BIN3: variants seen among roughly 807,000 people sequenced by gnomAD.
BIN3 encodes bridging integrator 3.
In BIN3, 41 loss-of-function variants were observed where a neutral mutation model predicts 38.2. That is an observed-to-expected ratio of 1.07 (90% CI 0.84 to 1.39). The LOEUF (loss-of-function observed/expected upper bound fraction) is 1.39. BIN3 is among the 40% of genes most tolerant of loss of function. The pLI is 0.00. For missense variants in BIN3, 361 were observed against 324.3 expected (o/e 1.11, Z -0.87); for synonymous variants, 145 against 122.6 (o/e 1.18, Z -1.21).
chr8:22,621,300 G>A lies in BIN3; in HGVS notation c.*122C>T. The A allele has an allele frequency of 1.5e-6, 2 of 1,319,504 alleles. No homozygotes were observed. Among genetic ancestry groups the A allele is most frequent in the African/African-American group, 1.5e-5 (1 of 67,790 alleles). The allele number at this position is 1,319,504 out of a possible 1,614,324, so 81.7% of individuals were successfully genotyped here. A position where few individuals can be genotyped will look rare whatever the true frequency, so the allele number is the denominator to read the frequency against. ...TCAGGAAGAGTCATTCATTGCAAAG[G>A]GCCGGCAAGTGAACCAGGGCCACCT... On this transcript the variant is annotated 3_prime_UTR_variant, in exon 9 of 9. Coordinates refer to ENST00000276416, the MANE Select transcript of BIN3 (RefSeq NM_018688.6).
intron 1 of BIN3, among the ~76,000 whole-genome samples, chr8:22,655,040 C>T (rs1803013223): frequency 6.6e-6 from 1 of 152,182 alleles, no homozygotes; most frequent in Non-Finnish European, 1.5e-5. Context: ...TTCTGATGTG[C>T]ATTTCTCTAA....
chr8:22,668,208 G>A (rs1803489469), intron 1 of BIN3, among the ~76,000 whole-genome samples: 1 of 152,212 alleles, frequency 6.6e-6, no homozygotes, highest in African/African-American at 2.4e-5. Flanking sequence ...AGGAAGGCAG[G>A]CAAGTCACAA....
chr8:22,645,310 CA>C (rs1169844687), intron 1 of BIN3, among the ~76,000 whole-genome samples: 2 of 149,792 alleles, frequency 1.3e-5, no homozygotes, highest in African/African-American at 4.9e-5. Context: ...AAAAAAAAAA[CA>C]CAAAAAAACA....
At chr8:22,627,306 G>C (rs1173708092) in intron 6 of BIN3, among the ~76,000 whole-genome samples, 1 of 152,026 alleles carries the variant, frequency 6.6e-6, no homozygotes. Flanking sequence ...CAAGGTGGCT[G>C]AAGAGTAGTG....
intron 1 of BIN3, among the ~76,000 whole-genome samples, chr8:22,648,356 G>A (rs1459123388): frequency 6.6e-6 from 1 of 151,940 alleles, no homozygotes; most frequent in East Asian, 1.9e-4. Context: ...AGGTCCCCAC[G>A]TCACCTTCAG....
chr8:22,661,697 T>C (rs1803242082), intron 1 of BIN3, among the ~76,000 whole-genome samples: 3 of 152,144 alleles, frequency 2.0e-5, no homozygotes, highest in African/African-American at 7.2e-5. Flanking sequence ...TTTGAATGTA[T>C]CATTCTGAAG....
At chr8:22,661,967 T>C (rs1803250122) in intron 1 of BIN3, among the ~76,000 whole-genome samples, 2 of 151,666 alleles carry the variant, frequency 1.3e-5, no homozygotes, top group African/African-American at 2.4e-5. Context: ...CTAATTTTTG[T>C]ATTTTTTAGT....
At chr8:22,624,470 G>A (rs1445268036) in intron 6 of BIN3, 107 bp from the exon 7 acceptor site, 2 of 1,444,912 alleles carry the variant, frequency 1.4e-6, no homozygotes, top group Non-Finnish European at 9.4e-7. Flanking sequence ...GTCCGCTCTT[G>A]GAGGGGCGTC....
intron 1 of BIN3, among the ~76,000 whole-genome samples, chr8:22,650,558 A>G (rs1011041743): frequency 1.3e-5 from 2 of 152,280 alleles, no homozygotes; most frequent in East Asian, 1.9e-4. Flanking sequence ...TCTAAATTCT[A>G]TCATTAGTAT....
intron 1 of BIN3, among the ~76,000 whole-genome samples, chr8:22,646,681 G>GGAAA (rs1207675802): frequency 6.6e-6 from 1 of 152,186 alleles, no homozygotes; most frequent in African/African-American, 2.4e-5. Context: ...TAACCAGGGA[G>GGAAA]GAAAGGTAAG....
intron 1 of BIN3, among the ~76,000 whole-genome samples, chr8:22,655,958 A>T (rs909702172): frequency 1.3e-5 from 2 of 152,214 alleles, no homozygotes; most frequent in African/African-American, 4.8e-5. Flanking sequence ...ATTTAGATGT[A>T]TAAAAGTTCC....
chr8:22,641,878 T>C (rs970964382), intron 2 of BIN3, among the ~76,000 whole-genome samples: 14 of 152,166 alleles, frequency 9.2e-5, no homozygotes, highest in African/African-American at 3.4e-4. Flanking sequence ...GGCGGCTTCT[T>C]CCTACGCTAC....
At chr8:22,659,565 G>C (rs1293736040) in intron 1 of BIN3, among the ~76,000 whole-genome samples, 2 of 152,190 alleles carry the variant, frequency 1.3e-5, no homozygotes, top group Non-Finnish European at 2.9e-5. Context: ...ACCACTTATT[G>C]AGCATCTACT....
rs1283913505 is a variant in BIN3 at position 22,636,975 on chromosome 8, A to C, written c.58-13T>G. The C allele has an allele frequency of 6.2e-7, 1 of 1,611,796 alleles. No homozygotes were observed. Among genetic ancestry groups the C allele is most frequent in the Admixed American group, 1.7e-5 (1 of 60,000 alleles). The stretch of plus-strand genomic sequence containing the variant: ...AGTCTCTCTCCACCTGAAACGAGAG[A>C]GATAACTCAATTATCGGAGAAATGA... On this transcript the variant is annotated splice_polypyrimidine_tract_variant and intron_variant, in intron 2 of 8. Coordinates refer to ENST00000276416, the MANE Select transcript of BIN3 (RefSeq NM_018688.6).
In BIN3 at chr8:22,661,027, G is replaced by A. The variant is rs536696454; in HGVS notation, c.8+8017C>T. ...AGCCTGCTGAGTGCTGGGACTACAG[G>A]CTTGCACCACTACCCCTGGCTAATT... On this transcript the variant is annotated intron_variant, in intron 1 of 8. Transcript: ENST00000276416. Among the ~76,000 whole-genome samples, 87 of 152,278 alleles carry A rather than the reference G, an allele frequency of 5.7e-4. 2 individuals carry two copies. In the South Asian group the frequency reaches 0.018, roughly 31 times the overall value.
chr8:22,645,872 C>A (rs1193230305), intron 1 of BIN3, among the ~76,000 whole-genome samples: 1 of 152,126 alleles, frequency 6.6e-6, no homozygotes, highest in Non-Finnish European at 1.5e-5. Context: ...TGGGAAAACT[C>A]ACAAAATCAA....
intron 1 of BIN3, among the ~76,000 whole-genome samples, chr8:22,654,111 T>G (rs529265964): frequency 6.6e-6 from 1 of 152,318 alleles, no homozygotes; most frequent in Admixed American, 6.5e-5. Flanking sequence ...GGATGGCTCT[T>G]GGTTTTCTCA....
At chr8:22,650,847 A>G (rs1802869255) in intron 1 of BIN3, among the ~76,000 whole-genome samples, 2 of 152,170 alleles carry the variant, frequency 1.3e-5, no homozygotes, top group African/African-American at 4.8e-5. Flanking sequence ...ACCCATCGCT[A>G]TTTCATGAAG....
rs535521860 is a variant in BIN3, at chr8:22,653,524, A to G, written c.9-8721T>C. On this transcript the variant is annotated intron_variant, in intron 1 of 8. Coordinates refer to ENST00000276416, the MANE Select transcript of BIN3 (RefSeq NM_018688.6). ...GGTAACCGTTACACATTTCCAACTC[A>G]GGAGCCTGTGATTTCTTGTTTTACT... 1.8e-4 allele frequency among the ~76,000 whole-genome samples: 28 copies of G among 152,368 alleles called. No individual in the cohort carries two copies. In the South Asian group the frequency reaches 3.5e-3, roughly 19 times the overall value.
Sources: gnomAD v4.1 joint callset for allele counts (sites outside exome capture counted in the v4.1 genomes callset) on GRCh38, gnomAD v4.1.1 for gene constraint, MANE v1.5 for transcripts, NCBI Gene and HGNC (gene_info 2026-07-23, HGNC 2026-07-21) for gene names.